The following TNPO2 variants were observed in gnomAD, a reference collection of about 807,000 sequenced individuals.
TNPO2 encodes the protein transportin 2.
A neutral mutation model predicts 111.1 loss-of-function variants in TNPO2; 16 were observed. That is an observed-to-expected ratio of 0.14 (90% CI 0.10 to 0.22). The LOEUF (loss-of-function observed/expected upper bound fraction) is 0.22. TNPO2 is among the 10% of genes least tolerant of loss of function. TNPO2 has a pLI of 1.00. For missense variants in TNPO2, 530 were observed against 1,173.7 expected (o/e 0.45, Z 8.01); for synonymous variants, 481 against 475.8 (o/e 1.01, Z -0.14).
At chr19:12,707,910 T>A (rs2025794624) in intron 13 of TNPO2, among the ~76,000 whole-genome samples, 1 of 151,902 alleles carries the variant, frequency 6.6e-6, no homozygotes, top group Admixed American at 6.6e-5. Flanking sequence ...AACCTCCGCC[T>A]CCCTGATTCA....
At chr19:12,703,676 G>C (rs764822783) in intron 19 of TNPO2, 38 bp downstream of exon 19, 20 of 1,600,044 alleles carry the variant, frequency 1.2e-5, no homozygotes, top group Non-Finnish European at 1.7e-6. Flanking sequence ...TGAGGCCGGG[G>C]CTGGGGTCAT....
intron 18 of TNPO2, among the ~76,000 whole-genome samples, chr19:12,704,527 CAAG>C (rs2025517108): frequency 6.6e-6 from 1 of 152,154 alleles, no homozygotes; most frequent in Admixed American, 6.5e-5. Context: ...GGAATAATAA[CAAG>C]AACAAACTTC....
At chr19:12,703,324 A>G (rs2025438963) in intron 20 of TNPO2, 104 bp downstream of exon 20, 3 of 1,073,126 alleles carry the variant, frequency 2.8e-6, no homozygotes, top group Non-Finnish European at 4.2e-6. Flanking sequence ...GACGACCCCC[A>G]AGAGACTTGC....
intron 2 of TNPO2, chr19:12,722,087 CCAAT>C (rs1030354043): frequency 7.3e-6 from 1 of 137,714 alleles, no homozygotes; most frequent in African/African-American, 2.7e-5. Context: ...GCGGCCTCCC[CCAAT>C]CAGACCCAAC....
chr19:12,703,825 G>A (rs1212540123), intron 18 of TNPO2, 24 bp from the exon 19 acceptor site: 1 of 1,553,778 alleles, frequency 6.4e-7, no homozygotes, highest in African/African-American at 1.4e-5. Context: ...TAAGATCAGT[G>A]TGGCTAGGCT....
chr19:12,721,663 TC>T lies in TNPO2; in HGVS notation c.-13-674del. The T allele has an allele frequency of 4.2e-6, 1 of 236,256 alleles. No homozygotes were observed. The highest frequency in any genetic ancestry group is 4.1e-5 in the South Asian group (1 of 24,572). 14.6% of individuals were successfully genotyped at this position (236,256 alleles called of 1,614,324 possible). ...TTCCCCTTAATCAGGCCCAAAGCAGTCCCCAGGTAGGTCTCTGCTGCCTCTT... is the reference window on the plus strand; with the variant it reads ...TTCCCCTTAATCAGGCCCAAAGCAGTCCCAGGTAGGTCTCTGCTGCCTCTT... On this transcript the variant is annotated intron_variant, in intron 2 of 25. Transcript: ENST00000425528. The surrounding 1 kb of genome is among the most constrained non-coding windows in gnomAD (Gnocchi z 4.9).
intron 10 of TNPO2, 41 bp downstream of exon 10, chr19:12,714,780 G>A (rs769013560): frequency 2.6e-6 from 4 of 1,546,226 alleles, no homozygotes; most frequent in East Asian, 2.2e-5. Flanking sequence ...ATAGCAAGGG[G>A]TCGAAGCTGG....
rs779698530 is a variant in TNPO2, at chr19:12,711,414, G to A, written c.999C>T (p.Ile333=). Residue 333 remains isoleucine (I), a synonymous_variant, in exon 12 of 26, where the codon ATC becomes ATT. Coordinates refer to ENST00000425528, the MANE Select transcript of TNPO2 (RefSeq NM_001382241.1). The part of the protein sequence containing the change: ...DEAVPDSEQD[I]KPRFHKSRTV... ...TGCGTGACTTGTGGAAGCGTGGCTT[G>A]ATGTCCTGCTCACTGTCGGGGACAG... The A allele has an allele frequency of 6.2e-7, 1 of 1,614,020 alleles. No individual in the cohort carries two copies. The highest frequency in any genetic ancestry group is 1.1e-5 in the South Asian group (1 of 91,082).
chr19:12,704,380 G>A (rs575513900), intron 18 of TNPO2, among the ~76,000 whole-genome samples: 1 of 151,960 alleles, frequency 6.6e-6, no homozygotes, highest in South Asian at 2.1e-4. Context: ...AAAAACAGGT[G>A]GGGGGCGGTG....
At chr19:12,709,339 C>A (rs8109434) in intron 13 of TNPO2, among the ~76,000 whole-genome samples, 6 of 151,890 alleles carry the variant, frequency 4.0e-5, no homozygotes, top group Non-Finnish European at 1.5e-5. Context: ...CCCAGCCTGG[C>A]GAGAAAGCAA....
At chr19:12,703,379 T>G in intron 20 of TNPO2, 49 bp downstream of exon 20, 3 of 1,555,554 alleles carry the variant, frequency 1.9e-6, no homozygotes, top group South Asian at 1.1e-5. Context: ...GCCCCCAGGT[T>G]GAGAACAGGC....
At position 12,705,429 on chromosome 19, in the gene TNPO2, A is replaced by C. The variant is rs1309520991; in HGVS notation, c.1864-31T>G. On this transcript the variant is annotated intron_variant, in intron 17 of 25. Coordinates refer to ENST00000425528, the MANE Select transcript of TNPO2 (RefSeq NM_001382241.1). The surrounding 1 kb of genome is among the most constrained non-coding windows in gnomAD (Gnocchi z 7.2). ...CACAGATGCCGACAGGGGCACGGGTAAGTGGAGCAGGCCCGAGGCAGGCCA... is the reference window on the plus strand; with the variant it reads ...CACAGATGCCGACAGGGGCACGGGTCAGTGGAGCAGGCCCGAGGCAGGCCA... 1 of 1,577,298 alleles carries C rather than the reference A, an allele frequency of 6.3e-7. No individual in the cohort carries two copies. Among genetic ancestry groups the C allele is most frequent in the South Asian group, 1.2e-5 (1 of 86,134 alleles).
Position 12,706,117 on chromosome 19 carries a change from G to A in TNPO2, c.1668+79C>T. Reference sequence around the variant, plus strand: ...GAGGTCACGGCCACGTCCCTGGCGTGCAACACGGGGTTGCCACCAGGTCAC... The same window carrying A: ...GAGGTCACGGCCACGTCCCTGGCGTACAACACGGGGTTGCCACCAGGTCAC... On this transcript the variant is annotated intron_variant, in intron 15 of 25. Transcript: ENST00000425528. This position sits in a 1 kb window ranked among gnomAD's most constrained non-coding sequence, Gnocchi z 7.0. The A allele has an allele frequency of 1.3e-6, 2 of 1,512,488 alleles. No individual in the cohort carries two copies. The highest frequency in any genetic ancestry group is 1.8e-6 in the Non-Finnish European group (2 of 1,118,196). 93.7% of individuals were successfully genotyped at this position (1,512,488 alleles called of 1,614,324 possible).
rs747355451 is a variant in TNPO2 at position 12,706,322 on chromosome 19, G to A, written c.1542C>T (p.Pro514=). 1.2e-6 allele frequency: 2 copies of A among 1,614,068 alleles called. No individual in the cohort carries two copies. The highest frequency in any genetic ancestry group is 1.7e-6 in the Non-Finnish European group (2 of 1,179,924). The change falls in exon 15 of 26, where the codon CCC becomes CCT. Residue 514 remains proline, a synonymous_variant. Coordinates refer to ENST00000425528, the MANE Select transcript of TNPO2 (RefSeq NM_001382241.1). This position sits in a 1 kb window ranked among gnomAD's most constrained non-coding sequence, Gnocchi z 7.0. ...LEEEACTELV[P]YLSYILDTLV... ...GGGTGTCCAGGATGTAGCTGAGGTA[G>A]GGCACCAGCTCCGTGCAGGCCTCTT...
Position 12,702,948 on chromosome 19 carries a change from C to T in TNPO2, c.2210-30G>A, listed in dbSNP as rs1162412552. 3.1e-6 allele frequency: 5 copies of T among 1,603,460 alleles called. No individual in the cohort carries two copies. Among genetic ancestry groups the T allele is most frequent in the South Asian group, 1.1e-5 (1 of 90,766 alleles). On this transcript the variant is annotated intron_variant, in intron 20 of 25. Transcript: ENST00000425528. The surrounding 1 kb of genome is among the most constrained non-coding windows in gnomAD (Gnocchi z 5.5). ...GGGAGCACCCAGTCAGAGCCCTGCA[C>T]AGCCCCCGCCACCCACAGGGGCCAG...
chr19:12,721,347 C>T lies in TNPO2; in HGVS notation c.-13-357G>A. On this transcript the variant is annotated intron_variant, in intron 2 of 25. Transcript: ENST00000425528. This position sits in a 1 kb window ranked among gnomAD's most constrained non-coding sequence, Gnocchi z 4.9. Reference sequence around the variant, plus strand: ...TTCCACCTCCCTCGCAGCGGCTGGGCGAGGGCCCAGCCGCCTCCACATCCA... The same window carrying T: ...TTCCACCTCCCTCGCAGCGGCTGGGTGAGGGCCCAGCCGCCTCCACATCCA... 3 of 1,258,750 alleles carry T rather than the reference C, an allele frequency of 2.4e-6. No homozygotes were observed. In the South Asian group the frequency reaches 3.8e-5, roughly 16 times the overall value. The allele number at this position is 1,258,750 out of a possible 1,614,324, so 78.0% of individuals were successfully genotyped here.
In TNPO2 at chr19:12,702,312, C is replaced by G. The variant is rs900582350; in HGVS notation, c.2306-135G>C. 2 of 711,636 alleles carry G rather than the reference C, an allele frequency of 2.8e-6. No homozygotes were observed. Among genetic ancestry groups the G allele is most frequent in the Non-Finnish European group, 5.0e-6 (2 of 397,956 alleles). 44.1% of individuals were successfully genotyped at this position (711,636 alleles called of 1,614,324 possible). ...CCCAAGCTTGGCCCAGCCAGGGGTC[C>G]TCCTCATCACACCTGAGTCACTTCC... is the stretch of plus-strand genomic sequence containing the variant. On this transcript the variant is annotated intron_variant, in intron 21 of 25. Transcript: ENST00000425528. This position sits in a 1 kb window ranked among gnomAD's most constrained non-coding sequence, Gnocchi z 5.5.
At chr19:12,718,526 G>A (rs910380288) in intron 5 of TNPO2, among the ~76,000 whole-genome samples, 3 of 152,080 alleles carry the variant, frequency 2.0e-5, no homozygotes, top group Non-Finnish European at 2.9e-5. Flanking sequence ...GGCTGGTATT[G>A]AACTCAACCT....
intron 5 of TNPO2, among the ~76,000 whole-genome samples, chr19:12,718,702 T>C (rs1232225199): frequency 6.6e-6 from 1 of 152,198 alleles, no homozygotes; most frequent in Non-Finnish European, 1.5e-5. Flanking sequence ...CTGCATTATT[T>C]TAACTGCTAT....
Sources: gnomAD v4.1 joint callset for allele counts (sites outside exome capture counted in the v4.1 genomes callset) on GRCh38, gnomAD v4.1.1 for gene constraint, Gnocchi (gnomAD v3.1) non-coding constraint, MANE v1.5 for transcripts, NCBI Gene and HGNC (gene_info 2026-07-23, HGNC 2026-07-21) for gene names.